The following SPATA31D1 variants were observed in gnomAD, a reference collection of about 807,000 sequenced individuals.
SPATA31D1 encodes SPATA31 subfamily D member 1, also known as spermatogenesis-associated protein 31D1.
In SPATA31D1, 6 loss-of-function variants were observed where a neutral mutation model predicts 13.2. The observed-to-expected ratio is 0.46, with a 90% CI of 0.25 to 0.90. The LOEUF is 0.90. Among genes scored for constraint, SPATA31D1 ranks in the 40% least tolerant of loss-of-function variants. SPATA31D1 has a pLI of 0.18. For synonymous variants in SPATA31D1, 903 were observed against 718.8 expected (o/e 1.26, Z -4.10); for missense variants, 2,445 against 1,884.7 (o/e 1.30, Z -5.50).
At position 81,995,231 on chromosome 9, in the gene SPATA31D1, C is replaced by T. The variant is rs1177986334; in HGVS notation, c.*30C>T. ...CTCCTTGTTGAGAATCTTGATTCTC[C>T]CCAATAAATGTTCCAATAAGAAGGA... On this transcript the variant is annotated 3_prime_UTR_variant, in exon 4 of 4. Transcript: ENST00000344803. 22 of 1,454,840 alleles carry T rather than the reference C, an allele frequency of 1.5e-5. No individual in the cohort carries two copies. Among genetic ancestry groups the T allele is most frequent in the Middle Eastern group, 2.0e-4 (1 of 5,084 alleles). 90.1% of individuals were successfully genotyped at this position (1,454,840 alleles called of 1,614,324 possible).
In SPATA31D1 at chr9:81,989,843, T is replaced by A. The variant is rs1302454851; in HGVS notation, c.232+20T>A. 6.2e-7 allele frequency: 1 copy of A among 1,612,958 alleles called. No individual in the cohort carries two copies. The highest frequency in any genetic ancestry group is 8.5e-7 in the Non-Finnish European group (1 of 1,179,254). On this transcript the variant is annotated intron_variant, in intron 2 of 3. Transcript: ENST00000344803. ...TCAAAGGTAATGTCAGCCTGCTCTATCTGAGCTTCAGGGGTGACCCTTTCT... is the reference window on the plus strand; with the variant it reads ...TCAAAGGTAATGTCAGCCTGCTCTAACTGAGCTTCAGGGGTGACCCTTTCT...
chr9:81,992,402 A>G lies in SPATA31D1; in HGVS notation c.1932A>G (p.Gln644=), dbSNP rs760157715. Residue 644 remains glutamine, a synonymous_variant, in exon 4 of 4, where the codon CAA becomes CAG. Transcript: ENST00000344803. The stretch of plus-strand genomic sequence containing the variant: ...TGTGGGGCTTACCCTCTGTGGTTCA[A>G]AAATCCCAGGAAGACTTTTGTCCTC... ...ESLWGLPSVV[Q]KSQEDFCPPA... The G allele has an allele frequency of 1.1e-5, 18 of 1,613,672 alleles. No homozygotes were observed. In the South Asian group the frequency reaches 1.3e-4, roughly 12 times the overall value.
chr9:81,990,767 C>G lies in SPATA31D1; in HGVS notation c.303-6C>G. ...TCTCCTTTCCTTGTTCTGGTCCTGA[C>G]TGCAGCTTTGGACCTCCTGTTTCCT... On this transcript the variant is annotated splice_region_variant and splice_polypyrimidine_tract_variant and intron_variant, in intron 3 of 3. Coordinates refer to ENST00000344803, the MANE Select transcript of SPATA31D1 (RefSeq NM_001001670.3). The G allele has an allele frequency of 6.2e-7, 1 of 1,602,928 alleles. No homozygotes were observed. The highest frequency in any genetic ancestry group is 1.3e-5 in the African/African-American group (1 of 74,834).
chr9:81,994,826 G>T lies in SPATA31D1; in HGVS notation c.4356G>T (p.Glu1452Asp), dbSNP rs1364778987. 2 of 1,613,944 alleles carry T rather than the reference G, an allele frequency of 1.2e-6. No homozygotes were observed. The highest frequency in any genetic ancestry group is 3.3e-5 in the Admixed American group (2 of 60,018). Residue 1452 changes from glutamate (E) to aspartate (D), a missense_variant, in exon 4 of 4, where the codon GAG becomes GAT. By Grantham distance (45) the Glu-to-Asp change is conservative. Transcript: ENST00000344803. ...ACCCAGAAGTGCATGTCAGAGCAGA[G>T]CCTGTCCAGGGCTGTCCCTGCAACT... ...QHNPEVHVRA[E>D]PVQGCPCNYR...
Position 81,992,863 on chromosome 9 carries a change from G to A in SPATA31D1, c.2393G>A (p.Arg798Lys). 1 of 1,613,822 alleles carries A rather than the reference G, an allele frequency of 6.2e-7. No individual in the cohort carries two copies. The highest frequency in any genetic ancestry group is 8.5e-7 in the Non-Finnish European group (1 of 1,179,728). The change falls in exon 4 of 4, where the codon AGG becomes AAG. Residue 798 changes from arginine to lysine, a missense_variant. Transcript: ENST00000344803. Reference sequence around the variant, plus strand: ...GAGACTTCTTCAGACAAGGATCTGAGGTCTAACTCTGAGAGAGACCTAGAA... The same window carrying A: ...GAGACTTCTTCAGACAAGGATCTGAAGTCTAACTCTGAGAGAGACCTAGAA... ...GPETSSDKDL[R>K]SNSERDLETH...
At position 81,990,783 on chromosome 9, in the gene SPATA31D1, C is replaced by G. The variant is rs1289507382; in HGVS notation, c.313C>G (p.Pro105Ala). The G allele has an allele frequency of 6.2e-7, 1 of 1,610,052 alleles. No individual in the cohort carries two copies. The highest frequency in any genetic ancestry group is 1.1e-5 in the South Asian group (1 of 90,318). ...LLSLLKSFGP[P>A]VSCSPRGQHH... ...TGGTCCTGACTGCAGCTTTGGACCT[C>G]CTGTTTCCTGCAGTCCTCGGGGCCA... is the stretch of plus-strand genomic sequence containing the variant. The change falls in exon 4 of 4, where the codon CCT becomes GCT. Residue 105 changes from proline to alanine, a missense_variant. Transcript: ENST00000344803.
chr9:81,994,515 C>G lies in SPATA31D1; in HGVS notation c.4045C>G (p.Leu1349Val), dbSNP rs1409418592. 1.2e-6 allele frequency: 2 copies of G among 1,613,526 alleles called. No individual in the cohort carries two copies. Among genetic ancestry groups the G allele is most frequent in the East Asian group, 4.5e-5 (2 of 44,868 alleles). Residue 1349 changes from leucine to valine, a missense_variant, in exon 4 of 4, where the codon CTT becomes GTT. Physicochemically the swap from Leu to Val is conservative, Grantham distance 32 (BLOSUM62 1). Coordinates refer to ENST00000344803, the MANE Select transcript of SPATA31D1 (RefSeq NM_001001670.3). ...TLKTQPPPEN[L>V]FRKWMKTSLQ... ...GAAAACACAGCCTCCTCCTGAAAACCTTTTCAGAAAATGGATGAAGACCTC... is the reference window on the plus strand; with the variant it reads ...GAAAACACAGCCTCCTCCTGAAAACGTTTTCAGAAAATGGATGAAGACCTC...
Position 81,989,018 on chromosome 9 carries a change from G to T in SPATA31D1, c.186+14G>T, listed in dbSNP as rs547173736. On this transcript the variant is annotated intron_variant, in intron 1 of 3. Transcript: ENST00000344803. ...GACATCCAAAAGGTAAGGAACTGTG[G>T]GTGAACACCCAAGAGAGATGCCCTG... 1 of 1,610,868 alleles carries T rather than the reference G, an allele frequency of 6.2e-7. No homozygotes were observed. The highest frequency in any genetic ancestry group is 1.1e-5 in the South Asian group (1 of 90,876).
rs374319352 is a variant in SPATA31D1, at chr9:81,992,581, G to A, written c.2111G>A (p.Arg704His). ...ATCCAGCGCAGATGGGGCCTGCCCC[G>A]CAGAATCCATGAGTCTCTGTCATTG... ...RLIQRRWGLP[R>H]RIHESLSLLR... is the part of the protein sequence containing the mutation. Residue 704 changes from arginine (R) to histidine (H), a missense_variant, in exon 4 of 4, where the codon CGC (arginine) becomes CAC (histidine). Coordinates refer to ENST00000344803, the MANE Select transcript of SPATA31D1 (RefSeq NM_001001670.3). The A allele has an allele frequency of 5.9e-5, 95 of 1,612,236 alleles. No homozygotes were observed. Among genetic ancestry groups the A allele is most frequent in the South Asian group, 3.4e-4 (31 of 91,006 alleles).
In SPATA31D1 at chr9:81,992,271, A is replaced by G. The variant is rs766887483; in HGVS notation, c.1801A>G (p.Ile601Val). ...ACCTAGTCCTCTATTCCTGATTAGGATCTGTGGAGTGTGTTTTCATAGACC... is the reference window on the plus strand; with the variant it reads ...ACCTAGTCCTCTATTCCTGATTAGGGTCTGTGGAGTGTGTTTTCATAGACC... ...LLPSPLFLIR[I>V]CGVCFHRPQN... Residue 601 changes from isoleucine to valine, a missense_variant, in exon 4 of 4, where the codon ATC (isoleucine) becomes GTC (valine). Ile to Val is a conservative substitution (Grantham distance 29, BLOSUM62 3). Coordinates refer to ENST00000344803, the MANE Select transcript of SPATA31D1 (RefSeq NM_001001670.3). 7 of 1,613,594 alleles carry G rather than the reference A, an allele frequency of 4.3e-6. No individual in the cohort carries two copies. In the South Asian group the frequency reaches 4.4e-5, roughly 10 times the overall value.
At chr9:81,989,159 T>G (rs1824903990) in intron 1 of SPATA31D1, among the ~76,000 whole-genome samples, 155 bp downstream of exon 1, 1 of 152,174 alleles carries the variant, frequency 6.6e-6, no homozygotes, top group Non-Finnish European at 1.5e-5. Flanking sequence ...TGGAAGAGGT[T>G]GGGCAGACAT....
chr9:81,989,706 A>G (rs1472011495), intron 1 of SPATA31D1, 72 bp from the exon 2 acceptor site: 73 of 1,471,612 alleles, frequency 5.0e-5, no homozygotes, highest in Non-Finnish European at 6.6e-5. Flanking sequence ...GAATGAATGA[A>G]TGAATGAATG....
Position 81,993,139 on chromosome 9 carries a change from A to T in SPATA31D1, c.2669A>T (p.Gln890Leu). 6.2e-7 allele frequency: 1 copy of T among 1,614,032 alleles called. No individual in the cohort carries two copies. Among genetic ancestry groups the T allele is most frequent in the Non-Finnish European group, 8.5e-7 (1 of 1,179,890 alleles). The change falls in exon 4 of 4, where the codon CAG (glutamine) becomes CTG (leucine). Residue 890 changes from glutamine (Q) to leucine (L), a missense_variant. Coordinates refer to ENST00000344803, the MANE Select transcript of SPATA31D1 (RefSeq NM_001001670.3). ...GAGGACCACTGCGTTGATACTTCCC[A>T]GGAAATTTCCTTCCTTAGTTCCAAC... ...VSEDHCVDTS[Q>L]EISFLSSNKQ... is the part of the protein sequence containing the mutation.
Position 81,992,280 on chromosome 9 carries a change from G to A in SPATA31D1, c.1810G>A (p.Val604Met). 6.2e-7 allele frequency: 1 copy of A among 1,613,812 alleles called. No homozygotes were observed. The highest frequency in any genetic ancestry group is 8.5e-7 in the Non-Finnish European group (1 of 1,179,738). ...TCTATTCCTGATTAGGATCTGTGGA[G>A]TGTGTTTTCATAGACCCCAGAACGA... ...SPLFLIRICG[V>M]CFHRPQNEAR... Residue 604 changes from valine to methionine, a missense_variant, in exon 4 of 4, where the codon GTG becomes ATG. By Grantham distance (21) the Val-to-Met change is conservative. Coordinates refer to ENST00000344803, the MANE Select transcript of SPATA31D1 (RefSeq NM_001001670.3).
chr9:81,988,788 A>G lies in SPATA31D1; in HGVS notation c.-31A>G, dbSNP rs762458418. On this transcript the variant is annotated 5_prime_UTR_variant, in exon 1 of 4. Coordinates refer to ENST00000344803, the MANE Select transcript of SPATA31D1 (RefSeq NM_001001670.3). ...TTAAGCCTGGGCACCCTCAGTGCTC[A>G]GTTGCTTCAGGCAGCTGAGCTATTC... is the stretch of plus-strand genomic sequence containing the variant. 2 of 1,612,000 alleles carry G rather than the reference A, an allele frequency of 1.2e-6. No individual in the cohort carries two copies. Among genetic ancestry groups the G allele is most frequent in the South Asian group, 2.2e-5 (2 of 90,988 alleles).
intron 1 of SPATA31D1, 139 bp downstream of exon 1, chr9:81,989,143 C>G (rs1824903666): frequency 7.4e-7 from 1 of 1,346,096 alleles, no homozygotes; most frequent in Non-Finnish European, 1.0e-6. Context: ...GAACTTCACT[C>G]TTCTATGGAA....
chr9:81,994,797 C>T lies in SPATA31D1; in HGVS notation c.4327C>T (p.His1443Tyr). The T allele has an allele frequency of 6.2e-7, 1 of 1,613,936 alleles. No individual in the cohort carries two copies. Among genetic ancestry groups the T allele is most frequent in the South Asian group, 1.1e-5 (1 of 91,078 alleles). Residue 1443 changes from histidine to tyrosine, a missense_variant, in exon 4 of 4, where the codon CAC becomes TAC. His to Tyr is a moderately conservative substitution (Grantham distance 83). Coordinates refer to ENST00000344803, the MANE Select transcript of SPATA31D1 (RefSeq NM_001001670.3). Reference protein sequence around the residue: ...SFPVGLGKAQHNPEVHVRAEP... With the variant: ...SFPVGLGKAQYNPEVHVRAEP... ...CCCAGTGGGGCTTGGGAAAGCTCAG[C>T]ACAACCCAGAAGTGCATGTCAGAGC...
In SPATA31D1 at chr9:81,991,597, T is replaced by A; in HGVS notation, c.1127T>A (p.Phe376Tyr). The A allele has an allele frequency of 6.2e-7, 1 of 1,613,994 alleles. No homozygotes were observed. The highest frequency in any genetic ancestry group is 8.5e-7 in the Non-Finnish European group (1 of 1,179,892). The change falls in exon 4 of 4, where the codon TTC (phenylalanine) becomes TAC (tyrosine). Residue 376 changes from phenylalanine to tyrosine, a missense_variant. Coordinates refer to ENST00000344803, the MANE Select transcript of SPATA31D1 (RefSeq NM_001001670.3). ...SFSSNFVPSDFMEELLTLHSS... is the reference protein window; with the variant it reads ...SFSSNFVPSDYMEELLTLHSS... ...TCCTCTAATTTTGTGCCATCTGATTTCATGGAGGAGCTTCTTACCCTTCAT... is the reference window on the plus strand; with the variant it reads ...TCCTCTAATTTTGTGCCATCTGATTACATGGAGGAGCTTCTTACCCTTCAT...
upstream of SPATA31D1, among the ~76,000 whole-genome samples, chr9:81,988,368 G>A (rs1824889998): frequency 6.6e-6 from 1 of 152,174 alleles, no homozygotes; most frequent in Non-Finnish European, 1.5e-5. Flanking sequence ...AGGCAGAAAC[G>A]TTCTGTAGGT....
Sources: gnomAD v4.1 joint callset for allele counts (sites outside exome capture counted in the v4.1 genomes callset) on GRCh38, gnomAD v4.1.1 for gene constraint, MANE v1.5 for transcripts, NCBI Gene and HGNC (gene_info 2026-07-23, HGNC 2026-07-21) for gene names.